Variants in NEK4 observed in about 807,000 individuals in gnomAD.
The protein encoded by NEK4 is serine/threonine-protein kinase Nek4.
NEK4 carries 86 observed loss-of-function variants against 98.4 expected under a neutral mutation model. That is an observed-to-expected ratio of 0.87 (90% CI 0.73 to 1.05). The LOEUF (loss-of-function observed/expected upper bound fraction) is 1.05. Among genes scored for constraint, NEK4 ranks in the 50% least tolerant of loss-of-function variants. NEK4 has a pLI of 0.00. For missense variants in NEK4, 898 were observed against 950.3 expected (o/e 0.94, Z 0.72); for synonymous variants, 328 against 342.2 (o/e 0.96, Z 0.46).
intron 7 of NEK4, among the ~76,000 whole-genome samples, chr3:52,750,334 G>A (rs1420013718): frequency 6.6e-6 from 1 of 152,126 alleles, no homozygotes; most frequent in Non-Finnish European, 1.5e-5. Context: ...ATTCACTTGA[G>A]GTCAGGAGTT....
At position 52,770,917 on chromosome 3, in the gene NEK4, G is replaced by A; in HGVS notation, c.-171C>T. The stretch of plus-strand genomic sequence containing the variant: ...GGCCCGCGACGACGCCGCTGCCATA[G>A]CGATCCGGGCCGGGAGCAGTTCTGC... On this transcript the variant is annotated 5_prime_UTR_variant, in exon 1 of 16. Coordinates refer to ENST00000233027, the MANE Select transcript of NEK4 (RefSeq NM_003157.6). 1 of 615,020 alleles carries A rather than the reference G, an allele frequency of 1.6e-6. No homozygotes were observed. The highest frequency in any genetic ancestry group is 1.9e-5 in the South Asian group (1 of 51,408). The allele number at this position is 615,020 out of a possible 1,614,324, so 38.1% of individuals were successfully genotyped here.
At chr3:52,770,346 C>G (rs985195470) in intron 1 of NEK4, among the ~76,000 whole-genome samples, 1 of 150,922 alleles carries the variant, frequency 6.6e-6, no homozygotes, top group Non-Finnish European at 1.5e-5. Context: ...GTGTGTAGAT[C>G]ACGCATGCCA....
At chr3:52,712,478 C>T (rs2097351383) in intron 15 of NEK4, among the ~76,000 whole-genome samples, 1 of 152,152 alleles carries the variant, frequency 6.6e-6, no homozygotes, top group Admixed American at 6.5e-5. Flanking sequence ...TTTAGTTTAG[C>T]CATCTGTAGG....
At chr3:52,733,974 T>C (rs1368203249) in intron 15 of NEK4, 1 of 224,838 alleles carries the variant, frequency 4.4e-6, no homozygotes, top group East Asian at 1.2e-4. Context: ...GAATTCAGTT[T>C]GCATTCAAGC....
At chr3:52,713,469 A>T (rs1398143676) in intron 15 of NEK4, among the ~76,000 whole-genome samples, 3 of 68,514 alleles carry the variant, frequency 4.4e-5, no homozygotes, top group Non-Finnish European at 1.2e-4. Flanking sequence ...GCTGCAAAAA[A>T]TAAAATAAAC....
chr3:52,722,058 C>T (rs1578623654), intron 15 of NEK4, among the ~76,000 whole-genome samples: 1 of 152,162 alleles, frequency 6.6e-6, no homozygotes, highest in Admixed American at 6.5e-5. Context: ...TGAATAATGC[C>T]TTTTAACCAA....
chr3:52,743,268 T>G, intron 12 of NEK4, 84 bp downstream of exon 12: 4 of 1,019,836 alleles, frequency 3.9e-6, no homozygotes, highest in Non-Finnish European at 6.1e-6. Flanking sequence ...CAAAAATAAA[T>G]GGAGCTGACA....
chr3:52,740,911 C>T (rs985719854), intron 13 of NEK4, among the ~76,000 whole-genome samples: 1 of 151,598 alleles, frequency 6.6e-6, no homozygotes, highest in Non-Finnish European at 1.5e-5. Flanking sequence ...CCTAAGAGGG[C>T]AGGAAGAAGT....
intron 15 of NEK4, chr3:52,733,031 T>C (rs930953798): frequency 9.8e-6 from 2 of 205,094 alleles, no homozygotes; most frequent in Non-Finnish European, 2.1e-5. Context: ...TCTTCTAGTG[T>C]TAAATAAATA....
At chr3:52,726,334 C>G (rs1298593532) in intron 15 of NEK4, among the ~76,000 whole-genome samples, 1 of 152,198 alleles carries the variant, frequency 6.6e-6, no homozygotes, top group Non-Finnish European at 1.5e-5. Flanking sequence ...CGCAGTGGCT[C>G]ACGCCTATAA....
In NEK4 at chr3:52,739,457, C is replaced by G. The variant is rs780371568; in HGVS notation, c.2271G>C (p.Glu757Asp). 15 of 1,614,132 alleles carry G rather than the reference C, an allele frequency of 9.3e-6. No individual in the cohort carries two copies. The highest frequency in any genetic ancestry group is 1.3e-5 in the Non-Finnish European group (15 of 1,180,004). ...AAGGTAGCTCTTTAAAATGGATTTC[C>G]TCTGCCTCTTCTGCAACCTTCCCAT... ...ILHGKVAEEA[E>D]EIHFKELPSA... Residue 757 changes from glutamate (E) to aspartate (D), a missense_variant, in exon 14 of 16, where the codon GAG (glutamate) becomes GAC (aspartate). Physicochemically the swap from Glu to Asp is conservative, Grantham distance 45. Coordinates refer to ENST00000233027, the MANE Select transcript of NEK4 (RefSeq NM_003157.6).
chr3:52,764,777 T>C (rs1038556727), intron 4 of NEK4, among the ~76,000 whole-genome samples: 21 of 50,428 alleles, frequency 4.2e-4, no homozygotes, highest in African/African-American at 8.4e-4. Flanking sequence ...CACACACACA[T>C]GCACACACAC....
rs1698543769 is a variant in NEK4 at position 52,766,011 on chromosome 3, G to C, written c.559-17C>G. ...AACATCAGACTAGAAAATAAAAACA[G>C]TAAACGGTTAAATGTCAGAATAGCT... On this transcript the variant is annotated splice_polypyrimidine_tract_variant and intron_variant, in intron 3 of 15. Coordinates refer to ENST00000233027, the MANE Select transcript of NEK4 (RefSeq NM_003157.6). 6.5e-7 allele frequency: 1 copy of C among 1,549,868 alleles called. No homozygotes were observed. The highest frequency in any genetic ancestry group is 8.9e-7 in the Non-Finnish European group (1 of 1,125,356).
At chr3:52,724,176 T>C (rs2154102375) in intron 15 of NEK4, among the ~76,000 whole-genome samples, 1 of 151,052 alleles carries the variant, frequency 6.6e-6, no homozygotes, top group East Asian at 1.9e-4. Flanking sequence ...GAGGTTGCAG[T>C]GAGCCAAGAT....
At chr3:52,725,472 G>A (rs1040372520) in intron 15 of NEK4, among the ~76,000 whole-genome samples, 2 of 151,926 alleles carry the variant, frequency 1.3e-5, no homozygotes, top group Non-Finnish European at 2.9e-5. Flanking sequence ...CTGAGACTGT[G>A]CCACTGCACT....
At chr3:52,758,127 C>A (rs562300143) in intron 6 of NEK4, among the ~76,000 whole-genome samples, 1 of 141,066 alleles carries the variant, frequency 7.1e-6, no homozygotes, top group Non-Finnish European at 1.5e-5. Context: ...TGCAGTGAGC[C>A]GAGATCATGC....
chr3:52,736,279 C>G (rs2097375734), intron 15 of NEK4, among the ~76,000 whole-genome samples: 1 of 151,952 alleles, frequency 6.6e-6, no homozygotes, highest in East Asian at 1.9e-4. Flanking sequence ...CAAGATGAAC[C>G]AAGGTTTTTA....
chr3:52,719,311 G>C (rs1473498172), intron 15 of NEK4, among the ~76,000 whole-genome samples: 1 of 152,162 alleles, frequency 6.6e-6, no homozygotes, highest in Non-Finnish European at 1.5e-5. Flanking sequence ...CTAGTTTGCA[G>C]AGACGATTAC....
At chr3:52,734,758 C>A in intron 15 of NEK4, 1 of 228,594 alleles carries the variant, frequency 4.4e-6, no homozygotes, top group South Asian at 6.9e-5. Context: ...GTGGCCAAGT[C>A]TACAACATTG....
Sources: allele counts gnomAD v4.1 joint callset (sites outside exome capture counted in the v4.1 genomes callset), GRCh38; gene constraint gnomAD v4.1.1; transcripts MANE v1.5; gene names NCBI Gene and HGNC (gene_info 2026-07-23, HGNC 2026-07-21).